The following SSBP2 variants were observed in gnomAD, a reference collection of about 807,000 sequenced individuals.
The protein encoded by SSBP2 is single stranded DNA binding protein 2.
A neutral mutation model predicts 61.8 loss-of-function variants in SSBP2; 17 were observed. The ratio of observed to expected loss-of-function variants is 0.28; its 90% confidence interval spans 0.19 to 0.41. SSBP2 has a LOEUF of 0.41. Ranked by LOEUF, SSBP2 falls within the 10% of genes least tolerant of loss-of-function variation. The pLI, the probability that SSBP2 is intolerant of heterozygous loss-of-function variation, is 1.00. For missense variants in SSBP2, 310 were observed against 458.7 expected, an observed-to-expected ratio of 0.68 and a Z score of 2.96; for synonymous variants, 139 against 141.3, an observed-to-expected ratio of 0.98 and a Z score of 0.12.
chr5:81,751,397 G>C (rs1476171755), upstream of SSBP2: 1 of 385,922 alleles, frequency 2.6e-6, no homozygotes, highest in South Asian at 3.0e-5. Context: ...AACTGCTCTA[G>C]AAGGATTTTA....
intron 4 of SSBP2, among the ~76,000 whole-genome samples, chr5:81,539,013 T>G (rs1184312837): frequency 6.6e-6 from 1 of 152,222 alleles, no homozygotes; most frequent in African/African-American, 2.4e-5. Flanking sequence ...ATATATTTCA[T>G]AAGGCTTTAA....
intron 1 of SSBP2, among the ~76,000 whole-genome samples, chr5:81,660,855 C>T (rs1313597108): frequency 2.0e-5 from 3 of 152,128 alleles, no homozygotes; most frequent in Non-Finnish European, 2.9e-5. Context: ...ATGTTCTCTG[C>T]AGGGACATGG....
At chr5:81,738,318 CG>C (rs1020425691) in intron 1 of SSBP2, among the ~76,000 whole-genome samples, 18 of 152,230 alleles carry the variant, frequency 1.2e-4, no homozygotes, top group Admixed American at 1.1e-3. Context: ...ATTTCAATAA[CG>C]CTATTTTTTT....
intron 3 of SSBP2, 160 bp downstream of exon 3, chr5:81,636,397 C>T: frequency 2.0e-6 from 1 of 496,494 alleles, no homozygotes. Context: ...AGTTAAATTA[C>T]ACTAGTGCTG....
intron 4 of SSBP2, among the ~76,000 whole-genome samples, chr5:81,586,404 T>A (rs939451780): frequency 8.5e-5 from 13 of 152,148 alleles, no homozygotes; most frequent in African/African-American, 3.1e-4. Context: ...AAAAGCCTTT[T>A]AAACAAACAA....
Position 81,542,829 on chromosome 5 carries a change from C to CTCTCTCTCTT in SSBP2, c.283-29113_283-29112insAAGAGAGAGA, listed in dbSNP as rs1554083530. Reference sequence around the variant, plus strand: ...AGTATTTGACAGTTTCTCTCTCTCTCTCTCTCTCTCTCTCTCTCTCTCTCC... The same window carrying CTCTCTCTCTT: ...AGTATTTGACAGTTTCTCTCTCTCTCTCTCTCTCTTTCTCTCTCTCTCTCTCTCTCTCTCC... On this transcript the variant is annotated intron_variant, in intron 4 of 16. Coordinates refer to ENST00000320672, the MANE Select transcript of SSBP2 (RefSeq NM_012446.5). Among the ~76,000 whole-genome samples, 22 of 146,782 alleles carry CTCTCTCTCTT rather than the reference C, an allele frequency of 1.5e-4. 1 individual carries two copies. Among genetic ancestry groups the CTCTCTCTCTT allele is most frequent in the Non-Finnish European group, 1.9e-4 (13 of 67,216 alleles).
chr5:81,635,389 G>A (rs1224474168), intron 3 of SSBP2, among the ~76,000 whole-genome samples: 1 of 152,032 alleles, frequency 6.6e-6, no homozygotes, highest in East Asian at 1.9e-4. Flanking sequence ...TGAGTTTGAT[G>A]AGTAGCTGTT....
intron 1 of SSBP2, among the ~76,000 whole-genome samples, chr5:81,650,757 T>C (rs896399069): frequency 6.6e-6 from 1 of 152,136 alleles, no homozygotes; most frequent in Non-Finnish European, 1.5e-5. Context: ...AATGTTAATA[T>C]AAACTCTAGC....
Position 81,445,138 on chromosome 5 carries a change from T to TATATACATATA in SSBP2, c.778+1729_778+1730insTATATGTATAT, listed in dbSNP as rs1453692261. On this transcript the variant is annotated intron_variant, in intron 12 of 16. Coordinates refer to ENST00000320672, the MANE Select transcript of SSBP2 (RefSeq NM_012446.5). ...TGTCTCAGCAAAGAAAAAAAAAATT[T>TATATACATATA]TATATATATATATATATATATATAT... Among the ~76,000 whole-genome samples the TATATACATATA allele has an allele frequency of 2.1e-3, 71 of 33,886 alleles. 3 individuals carry two copies. Among genetic ancestry groups the TATATACATATA allele is most frequent in the African/African-American group, 7.2e-3 (70 of 9,676 alleles). 22.2% of individuals were successfully genotyped at this position (33,886 alleles called of 152,430 possible). A position where few individuals can be genotyped will look rare whatever the true frequency, so the allele number is the denominator to read the frequency against.
intron 5 of SSBP2, among the ~76,000 whole-genome samples, chr5:81,510,827 T>C (rs1374638620): frequency 6.6e-6 from 1 of 152,168 alleles, no homozygotes; most frequent in African/African-American, 2.4e-5. Flanking sequence ...TCTTCAGACT[T>C]GTTCCTCTGC....
chr5:81,626,875 T>C (rs1034579304), intron 3 of SSBP2, among the ~76,000 whole-genome samples: 3 of 152,214 alleles, frequency 2.0e-5, no homozygotes, highest in Non-Finnish European at 4.4e-5. Flanking sequence ...GATTAAGAAA[T>C]ATGTGTTACT....
chr5:81,659,839 A>T (rs1167482282), intron 1 of SSBP2, among the ~76,000 whole-genome samples: 1 of 152,196 alleles, frequency 6.6e-6, no homozygotes, highest in Non-Finnish European at 1.5e-5. Context: ...AAACAGATAT[A>T]TAGACCAATG....
intron 13 of SSBP2, 59 bp downstream of exon 13, chr5:81,442,594 G>A (rs1213538308): frequency 1.0e-5 from 9 of 862,424 alleles, no homozygotes; most frequent in Non-Finnish European, 1.7e-5. Flanking sequence ...GACATGGAAT[G>A]CACTCAGAGT....
chr5:81,614,053 T>C (rs996845106), intron 4 of SSBP2, among the ~76,000 whole-genome samples: 9 of 152,112 alleles, frequency 5.9e-5, no homozygotes, highest in African/African-American at 2.2e-4. Flanking sequence ...TTGAATAAGG[T>C]TAGTACACAT....
At chr5:81,724,413 A>G (rs1755739092) in intron 1 of SSBP2, among the ~76,000 whole-genome samples, 1 of 152,010 alleles carries the variant, frequency 6.6e-6, no homozygotes, top group Non-Finnish European at 1.5e-5. Flanking sequence ...CAATTTTTTA[A>G]AAGGGGGAGG....
At chr5:81,499,580 G>A (rs1333232860) in intron 5 of SSBP2, among the ~76,000 whole-genome samples, 1 of 152,078 alleles carries the variant, frequency 6.6e-6, no homozygotes, top group African/African-American at 2.4e-5. Context: ...TCGGTGTGAG[G>A]CAAGTATCTG....
At chr5:81,599,661 A>G (rs1365756030) in intron 4 of SSBP2, among the ~76,000 whole-genome samples, 1 of 152,248 alleles carries the variant, frequency 6.6e-6, no homozygotes, top group African/African-American at 2.4e-5. Flanking sequence ...CTTTCACTCA[A>G]CTGACTCCAA....
chr5:81,655,339 G>A (rs895961303), intron 1 of SSBP2, among the ~76,000 whole-genome samples: 5 of 151,936 alleles, frequency 3.3e-5, no homozygotes, highest in Non-Finnish European at 7.4e-5. Flanking sequence ...ATTTAGCAGA[G>A]TAGCTAATGT....
chr5:81,567,892 T>G (rs1452159595), intron 4 of SSBP2, among the ~76,000 whole-genome samples: 1 of 152,216 alleles, frequency 6.6e-6, no homozygotes, highest in Non-Finnish European at 1.5e-5. Flanking sequence ...GGCCAATTTC[T>G]CACATTTGGA....
Sources: gnomAD v4.1 joint callset for allele counts (sites outside exome capture counted in the v4.1 genomes callset) on GRCh38, gnomAD v4.1.1 for gene constraint, MANE v1.5 for transcripts, NCBI Gene and HGNC (gene_info 2026-07-23, HGNC 2026-07-21) for gene names.